Variants in SLC12A5 observed in about 807,000 individuals in gnomAD.
SLC12A5 encodes solute carrier family 12 member 5, also known as K-Cl cotransporter 2.
SLC12A5 carries 18 observed loss-of-function variants against 124.0 expected under a neutral mutation model. The observed-to-expected ratio is 0.15, with a 90% CI of 0.10 to 0.22. The LOEUF is 0.22. Among genes scored for constraint, SLC12A5 ranks in the 10% least tolerant of loss-of-function variants. The pLI, the probability that SLC12A5 is intolerant of heterozygous loss-of-function variation, is 1.00. For missense variants in SLC12A5, 867 were observed against 1,478.7 expected, an observed-to-expected ratio of 0.59 and a Z score of 6.78; for synonymous variants, 589 against 568.0, an observed-to-expected ratio of 1.04 and a Z score of -0.53.
chr20:46,049,545 G>A (rs543942274), intron 16 of SLC12A5, 77 bp from the exon 17 acceptor site: 1 of 1,521,640 alleles, frequency 6.6e-7, no homozygotes, highest in African/African-American at 1.4e-5. Flanking sequence ...ATGGCTAGAT[G>A]ACCTGGTGGT....
rs1386106494 is a variant in SLC12A5, at chr20:46,056,594, C to T, written c.3110+30C>T. ...GGGCCTGGGGGCTAAGGGCTGGGGG[C>T]TGGGGTGAGCTAAAGGGTCTTGCTC... On this transcript the variant is annotated intron_variant, in intron 23 of 25. Transcript: ENST00000243964. The surrounding 1 kb of genome is among the most constrained non-coding windows in gnomAD (Gnocchi z 4.3). 2 of 1,598,982 alleles carry T rather than the reference C, an allele frequency of 1.3e-6. No homozygotes were observed. The highest frequency in any genetic ancestry group is 3.4e-5 in the Admixed American group (2 of 58,066).
upstream of SLC12A5, chr20:46,021,742 GGCCGCCTGGCTCCTTTCCGC>G (rs1262290456): frequency 2.0e-6 from 3 of 1,533,526 alleles, no homozygotes; most frequent in South Asian, 3.6e-5. Flanking sequence ...ACCTTGCCGC[GGCCGCCTGGCTCCTTTCCGC>G]GCCATGAGCC....
chr20:46,022,981 G>T (rs2084368520), exon 2 of SLC12A5: 1 of 390,016 alleles, frequency 2.6e-6, no homozygotes, highest in African/African-American at 2.1e-5. Flanking sequence ...GGAGGAAGAG[G>T]AGGAGGAGGA....
upstream of SLC12A5, among the ~76,000 whole-genome samples, chr20:46,025,587 G>T (rs566366508): frequency 3.9e-5 from 6 of 152,288 alleles, no homozygotes; most frequent in East Asian, 1.2e-3. Flanking sequence ...GTCCGGATTG[G>T]GAAAGAGGGA....
rs890030555 is a variant in SLC12A5 at position 46,053,350 on chromosome 20, G to C, written c.2547+224G>C. 6.6e-6 allele frequency among the ~76,000 whole-genome samples: 1 copy of C among 152,220 alleles called. No individual in the cohort carries two copies. The highest frequency in any genetic ancestry group is 1.5e-5 in the Non-Finnish European group (1 of 68,046). ...CCTCTTGCAGGTGCACTGCTGTAAG[G>C]AGAGCAATGCTTAGCCCAAGCCAGT... On this transcript the variant is annotated intron_variant, in intron 19 of 25. Transcript: ENST00000243964. The surrounding 1 kb of genome is among the most constrained non-coding windows in gnomAD (Gnocchi z 4.7).
intron 10 of SLC12A5, 25 bp from the exon 11 acceptor site, chr20:46,043,851 G>T: frequency 6.2e-7 from 1 of 1,613,816 alleles, no homozygotes; most frequent in Non-Finnish European, 8.5e-7. Context: ...GAACCGTGGG[G>T]ATTCTCCTTT....
chr20:46,021,904 CG>C, intron 1 of SLC12A5: 1 of 1,507,210 alleles, frequency 6.6e-7, no homozygotes, highest in Non-Finnish European at 8.8e-7. Flanking sequence ...CCGCAGGGGG[CG>C]GGGCCTGCCA....
chr20:46,042,281 C>T (rs374176093), intron 8 of SLC12A5, among the ~76,000 whole-genome samples: 8 of 152,064 alleles, frequency 5.3e-5, no homozygotes, highest in East Asian at 1.9e-4. Flanking sequence ...AAGGGAGGGA[C>T]GTGGTCAGAT....
At chr20:46,031,461 C>T (rs1044543365) in intron 1 of SLC12A5, among the ~76,000 whole-genome samples, 2 of 152,166 alleles carry the variant, frequency 1.3e-5, no homozygotes, top group African/African-American at 4.8e-5. Flanking sequence ...AGAGGACCAT[C>T]AGGCCAAGAG....
intron 5 of SLC12A5, 99 bp downstream of exon 5, chr20:46,036,894 T>A: frequency 1.4e-6 from 2 of 1,450,822 alleles, no homozygotes; most frequent in South Asian, 1.2e-5. Flanking sequence ...AGAGATAATA[T>A]TCTAGACTAG....
chr20:46,030,884 G>C (rs2084443674), intron 1 of SLC12A5, among the ~76,000 whole-genome samples: 1 of 151,476 alleles, frequency 6.6e-6, no homozygotes, highest in African/African-American at 2.4e-5. Context: ...CTCCTAGCTG[G>C]CCCTCTCATC....
chr20:46,048,203 T>C (rs1315784163), intron 16 of SLC12A5, 118 bp downstream of exon 16: 2 of 901,780 alleles, frequency 2.2e-6, no homozygotes, highest in Non-Finnish European at 3.3e-6. Context: ...TGCTGAGTCG[T>C]GCCCTAAAAG....
At chr20:46,029,080 C>G (rs1255349230), upstream of SLC12A5, 31 of 1,288,862 alleles carry the variant, frequency 2.4e-5, no homozygotes, top group Non-Finnish European at 3.1e-5. Flanking sequence ...CCCTCCCGCT[C>G]TCCCCCCAAA....
Position 46,029,889 on chromosome 20 carries a change from T to TGTGTGTGC in SLC12A5, c.52+494_52+495insTGTGTGCG, listed in dbSNP as rs1353696590. On this transcript the variant is annotated intron_variant, in intron 1 of 25. Coordinates refer to ENST00000243964, the MANE Select transcript of SLC12A5 (RefSeq NM_020708.5). ...GTGTGTGTGTGTGTGTGTGTGTGTG[T>TGTGTGTGC]GCGCGCGCGTGCGTATGTGTGTGTG... Among the ~76,000 whole-genome samples the TGTGTGTGC allele has an allele frequency of 1.4e-3, 102 of 75,336 alleles. 1 individual carries two copies. Among genetic ancestry groups the TGTGTGTGC allele is most frequent in the African/African-American group, 5.5e-3 (97 of 17,762 alleles). The allele number at this position is 75,336 out of a possible 152,430, so 49.4% of individuals were successfully genotyped here.
chr20:46,028,576 T>C (rs1215268143), upstream of SLC12A5, among the ~76,000 whole-genome samples: 1 of 152,148 alleles, frequency 6.6e-6, no homozygotes, highest in African/African-American at 2.4e-5. Context: ...GTCAGCCCAG[T>C]GACCTGAACG....
chr20:46,025,581 G>T (rs971728279), upstream of SLC12A5, among the ~76,000 whole-genome samples: 1 of 152,120 alleles, frequency 6.6e-6, no homozygotes, highest in Non-Finnish European at 1.5e-5. Context: ...AAAGGGGTCC[G>T]GATTGGGAAA....
chr20:46,058,951 G>A lies in SLC12A5; in HGVS notation c.*1346G>A, dbSNP rs576477255. 5 of 388,612 alleles carry A rather than the reference G, an allele frequency of 1.3e-5. No homozygotes were observed. The highest frequency in any genetic ancestry group is 1.1e-4 in the East Asian group (3 of 27,314). The allele number at this position is 388,612 out of a possible 1,614,324, so 24.1% of individuals were successfully genotyped here. A position where few individuals can be genotyped will look rare whatever the true frequency, so the allele number is the denominator to read the frequency against. ...CTGGGCCTGAGGGAGGGCTGGAGTCGCACGCGCTTTGTCCTTAGCGCCTGT... is the reference window on the plus strand; with the variant it reads ...CTGGGCCTGAGGGAGGGCTGGAGTCACACGCGCTTTGTCCTTAGCGCCTGT... On this transcript the variant is annotated 3_prime_UTR_variant, in exon 26 of 26. Coordinates refer to ENST00000243964, the MANE Select transcript of SLC12A5 (RefSeq NM_020708.5). The surrounding 1 kb of genome is among the most constrained non-coding windows in gnomAD (Gnocchi z 5.8).
chr20:46,046,656 G>C (rs140529886), intron 14 of SLC12A5, among the ~76,000 whole-genome samples: 1,655 of 152,332 alleles, frequency 0.011, 13 homozygotes, highest in Non-Finnish European at 0.017. Context: ...AGCGGTCTCA[G>C]CTGGAATCTC....
intron 1 of SLC12A5, among the ~76,000 whole-genome samples, chr20:46,032,951 G>C (rs2084466561): frequency 6.6e-6 from 1 of 152,154 alleles, no homozygotes; most frequent in Non-Finnish European, 1.5e-5. Flanking sequence ...GCTGGGAGGT[G>C]GGTCTCTTAT....
Sources: gnomAD v4.1 joint callset for allele counts (sites outside exome capture counted in the v4.1 genomes callset) on GRCh38, gnomAD v4.1.1 for gene constraint, Gnocchi (gnomAD v3.1) non-coding constraint, MANE v1.5 for transcripts, NCBI Gene and HGNC (gene_info 2026-07-23, HGNC 2026-07-21) for gene names.